MS4A7: variants seen among roughly 807,000 people sequenced by gnomAD.
The protein encoded by MS4A7 is membrane spanning 4-domains A7, also known as membrane-spanning 4-domains subfamily A member 7.
In MS4A7, 21 loss-of-function variants were observed where a neutral mutation model predicts 23.5. That is an observed-to-expected ratio of 0.89 (90% CI 0.63 to 1.29). The LOEUF is 1.29. Ranked by LOEUF, MS4A7 falls within the 50% of genes most tolerant of loss-of-function variation. The pLI is 0.00. For missense variants in MS4A7, 263 were observed against 274.2 expected, an observed-to-expected ratio of 0.96 and a Z score of 0.29; for synonymous variants, 111 against 107.4, an observed-to-expected ratio of 1.03 and a Z score of -0.21.
chr11:60,392,824 C>T (rs1370771341), intron 6 of MS4A7, 38 bp downstream of exon 6: 7 of 1,412,136 alleles, frequency 5.0e-6, no homozygotes, highest in Non-Finnish European at 7.0e-6. Context: ...CCTGCTGTGT[C>T]TCAGGTCCAG....
intron 4 of MS4A7, among the ~76,000 whole-genome samples, chr11:60,388,391 T>C (rs1590795280): frequency 6.6e-6 from 1 of 152,200 alleles, no homozygotes; most frequent in African/African-American, 2.4e-5. Context: ...AGAGCTGGGA[T>C]AGGAGGAGAG....
chr11:60,391,582 T>A (rs2085550633), intron 5 of MS4A7, among the ~76,000 whole-genome samples: 1 of 152,152 alleles, frequency 6.6e-6, no homozygotes, highest in Non-Finnish European at 1.5e-5. Flanking sequence ...TGAACAAGGC[T>A]ATTATGAAAA....
chr11:60,391,295 A>C (rs1449537592), intron 5 of MS4A7, among the ~76,000 whole-genome samples: 3 of 152,186 alleles, frequency 2.0e-5, no homozygotes, highest in Non-Finnish European at 4.4e-5. Flanking sequence ...ACCTCAAATA[A>C]AAGCATTAAG....
intron 6 of MS4A7, 21 bp downstream of exon 6, chr11:60,392,807 C>T: frequency 6.6e-7 from 1 of 1,518,070 alleles, no homozygotes; most frequent in Non-Finnish European, 9.2e-7. Context: ...TGACATGTCG[C>T]CTGATACCTG....
rs2085396534 is a variant in MS4A7 at position 60,378,619 on chromosome 11, G to C, written c.-59G>C. Reference sequence around the variant, plus strand: ...TTCCAGCTGAGCGCTCCCCAGAGGTGAGCTGATCCCCAGCCACAGCACACA... The same window carrying C: ...TTCCAGCTGAGCGCTCCCCAGAGGTCAGCTGATCCCCAGCCACAGCACACA... On this transcript the variant is annotated 5_prime_UTR_variant, in exon 1 of 7. Coordinates refer to ENST00000300184, the MANE Select transcript of MS4A7 (RefSeq NM_021201.5). 1.3e-5 allele frequency: 2 copies of C among 152,286 alleles called. No homozygotes were observed. Among genetic ancestry groups the C allele is most frequent in the South Asian group, 4.1e-4 (2 of 4,834 alleles). The allele number at this position is 152,286 out of a possible 1,614,324, so 9.4% of individuals were successfully genotyped here.
chr11:60,390,235 A>C (rs1386652988), intron 5 of MS4A7, among the ~76,000 whole-genome samples: 1 of 152,176 alleles, frequency 6.6e-6, no homozygotes, highest in African/African-American at 2.4e-5. Flanking sequence ...TCTAGAAAAA[A>C]TGTCAACCTC....
chr11:60,383,826 C>T (rs1464324177), intron 2 of MS4A7, among the ~76,000 whole-genome samples: 1 of 152,234 alleles, frequency 6.6e-6, no homozygotes, highest in East Asian at 1.9e-4. Flanking sequence ...GCATGAGCCA[C>T]TGTGCCCAGC....
At chr11:60,386,308 C>T (rs1028444356) in intron 3 of MS4A7, among the ~76,000 whole-genome samples, 7 of 152,218 alleles carry the variant, frequency 4.6e-5, no homozygotes, top group Admixed American at 4.6e-4. Flanking sequence ...TGTTTCTGCA[C>T]CTTGTCCCAT....
chr11:60,393,934 T>C lies in MS4A7; in HGVS notation c.*73T>C, dbSNP rs1590799738. On this transcript the variant is annotated 3_prime_UTR_variant, in exon 7 of 7. Coordinates refer to ENST00000300184, the MANE Select transcript of MS4A7 (RefSeq NM_021201.5). ...CAAGTGTGATTAGACTTTCCTGAAA[T>C]CTCTGCCATTTTAGATACTGTGAAA... 1.0e-6 allele frequency: 1 copy of C among 969,680 alleles called. No individual in the cohort carries two copies. 60.1% of individuals were successfully genotyped at this position (969,680 alleles called of 1,614,324 possible).
rs2085448616 is a variant in MS4A7, at chr11:60,383,190, A to C, written c.49A>C (p.Lys17Gln). The C allele has an allele frequency of 2.5e-6, 4 of 1,614,160 alleles. No homozygotes were observed. Among genetic ancestry groups the C allele is most frequent in the Non-Finnish European group, 2.5e-6 (3 of 1,180,004 alleles). Residue 17 changes from lysine (K) to glutamine (Q), a missense_variant, in exon 2 of 7, where the codon AAG (lysine) becomes CAG (glutamine). Coordinates refer to ENST00000300184, the MANE Select transcript of MS4A7 (RefSeq NM_021201.5). ...GGGGGTTTCTCACAGCTTTACACCAAAGGGCATCACTATCCCTCAAAGAGA... is the reference window on the plus strand; with the variant it reads ...GGGGGTTTCTCACAGCTTTACACCACAGGGCATCACTATCCCTCAAAGAGA... ...TMGVSHSFTP[K>Q]GITIPQREKP...
At position 60,383,202 on chromosome 11, in the gene MS4A7, A is replaced by T. The variant is rs1318878342; in HGVS notation, c.61A>T (p.Ile21Phe). The T allele has an allele frequency of 6.2e-7, 1 of 1,614,164 alleles. No individual in the cohort carries two copies. The highest frequency in any genetic ancestry group is 1.1e-5 in the South Asian group (1 of 91,076). ...SHSFTPKGIT[I>F]PQREKPGHMY... The stretch of plus-strand genomic sequence containing the variant: ...CAGCTTTACACCAAAGGGCATCACT[A>T]TCCCTCAAAGAGAGAAACCTGGACA... Residue 21 changes from isoleucine (I) to phenylalanine (F), a missense_variant, in exon 2 of 7, where the codon ATC becomes TTC. Transcript: ENST00000300184.
In MS4A7 at chr11:60,394,930, T is replaced by G. The variant is rs1204659241; in HGVS notation, c.*1069T>G. On this transcript the variant is annotated 3_prime_UTR_variant, in exon 7 of 7. Transcript: ENST00000300184. ...AGTCGTTGGCACATAAACTATGTTC[T>G]CTTCTGTCATTTCAGGGTAGGAGTC... 6.2e-6 allele frequency: 4 copies of G among 642,080 alleles called. No homozygotes were observed. In the Admixed American group the frequency reaches 8.5e-5, roughly 14 times the overall value. The allele number at this position is 642,080 out of a possible 1,614,324, so 39.8% of individuals were successfully genotyped here. A position where few individuals can be genotyped will look rare whatever the true frequency, so the allele number is the denominator to read the frequency against.
At chr11:60,391,056 A>G (rs1049550155) in intron 5 of MS4A7, among the ~76,000 whole-genome samples, 2 of 152,232 alleles carry the variant, frequency 1.3e-5, no homozygotes, top group African/African-American at 4.8e-5. Flanking sequence ...AGGATCACAC[A>G]GTTTTAACAT....
rs756676566 is a variant in MS4A7, at chr11:60,385,047, G to A, written c.148-41G>A. ...TGCATTCAAATAATCACTTTTATCT[G>A]TTTGAAGTGCAGTCTAGATTTCCTG... On this transcript the variant is annotated intron_variant, in intron 2 of 6. Transcript: ENST00000300184. 75 of 1,586,332 alleles carry A rather than the reference G, an allele frequency of 4.7e-5. No individual in the cohort carries two copies. The South Asian group carries it at 7.9e-4, about 17-fold the overall frequency.
intron 5 of MS4A7, chr11:60,389,878 C>A (rs991060377): frequency 2.5e-6 from 1 of 400,930 alleles, no homozygotes; most frequent in African/African-American, 2.0e-5. Context: ...GGGTTTAACT[C>A]TTAAAGTACA....
At position 60,393,878 on chromosome 11, in the gene MS4A7, G is replaced by A; in HGVS notation, c.*17G>A. The stretch of plus-strand genomic sequence containing the variant: ...TGGATATAAGTAACTCTTGGCCTCA[G>A]AGGAAGGAAAAGCAACTCAACACTC... On this transcript the variant is annotated 3_prime_UTR_variant, in exon 7 of 7. Coordinates refer to ENST00000300184, the MANE Select transcript of MS4A7 (RefSeq NM_021201.5). The A allele has an allele frequency of 1.3e-6, 2 of 1,578,302 alleles. No homozygotes were observed. Among genetic ancestry groups the A allele is most frequent in the Non-Finnish European group, 8.6e-7 (1 of 1,160,522 alleles).
intron 4 of MS4A7, among the ~76,000 whole-genome samples, chr11:60,386,991 C>G (rs538490443): frequency 6.6e-6 from 1 of 152,322 alleles, no homozygotes; most frequent in African/African-American, 2.4e-5. Context: ...CACAATGTTG[C>G]TCCTGGATTA....
rs2085586134 is a variant in MS4A7, at chr11:60,394,249, G to A, written c.*388G>A. On this transcript the variant is annotated 3_prime_UTR_variant, in exon 7 of 7. Transcript: ENST00000300184. Reference sequence around the variant, plus strand: ...GCTTAAATATTACATATTAGGGATTGTAAGAAAACTTTAATTAAAAATTAA... The same window carrying A: ...GCTTAAATATTACATATTAGGGATTATAAGAAAACTTTAATTAAAAATTAA... 6.4e-6 allele frequency: 1 copy of A among 155,738 alleles called. No homozygotes were observed. Among genetic ancestry groups the A allele is most frequent in the Non-Finnish European group, 1.4e-5 (1 of 70,768 alleles). The allele number at this position is 155,738 out of a possible 1,614,324, so 9.6% of individuals were successfully genotyped here. A position where few individuals can be genotyped will look rare whatever the true frequency, so the allele number is the denominator to read the frequency against.
chr11:60,393,198 G>A (rs1475684131), intron 6 of MS4A7, among the ~76,000 whole-genome samples: 1 of 152,098 alleles, frequency 6.6e-6, no homozygotes, highest in African/African-American at 2.4e-5. Flanking sequence ...GGTGTCTACT[G>A]GGAAGCAGAC....
Sources: allele counts gnomAD v4.1 joint callset (sites outside exome capture counted in the v4.1 genomes callset), GRCh38; gene constraint gnomAD v4.1.1; transcripts MANE v1.5; gene names NCBI Gene and HGNC (gene_info 2026-07-23, HGNC 2026-07-21).